BCAS3: variants seen among roughly 807,000 people sequenced by gnomAD.
The protein encoded by BCAS3 is BCAS4/BCAS3 fusion.
A neutral mutation model predicts 116.1 loss-of-function variants in BCAS3; 53 were observed. That is an observed-to-expected ratio of 0.46 (90% CI 0.37 to 0.57). BCAS3 has a LOEUF of 0.57. Ranked by LOEUF, BCAS3 falls within the 20% of genes least tolerant of loss-of-function variation. BCAS3 has a pLI of 0.00. For synonymous variants in BCAS3, 391 were observed against 408.2 expected (o/e 0.96, Z 0.51); for missense variants, 917 against 1,165.4 (o/e 0.79, Z 3.10).
rs140753089 is a variant in BCAS3 at position 61,131,234 on chromosome 17, G to C, written c.2425+46670G>C. Among the ~76,000 whole-genome samples, 1 of 152,154 alleles carries C rather than the reference G, an allele frequency of 6.6e-6. No homozygotes were observed. Among genetic ancestry groups the C allele is most frequent in the African/African-American group, 2.4e-5 (1 of 41,514 alleles). On this transcript the variant is annotated intron_variant, in intron 22 of 23. Transcript: ENST00000407086. This position sits in a 1 kb window ranked among gnomAD's most constrained non-coding sequence, Gnocchi z 4.4. ...ATTTTATGATTATAATTCCATTTAA[G>C]TAAAATAACAAAAATAACACTCGTA...
At chr17:60,743,799 G>GTA in intron 5 of BCAS3, among the ~76,000 whole-genome samples, 1 of 152,186 alleles carries the variant, frequency 6.6e-6, no homozygotes. Context: ...TTTTCTGTGT[G>GTA]TATATTATTG....
intron 22 of BCAS3, among the ~76,000 whole-genome samples, chr17:61,107,661 C>T (rs2074755612): frequency 6.6e-6 from 1 of 152,148 alleles, no homozygotes; most frequent in South Asian, 2.1e-4. Flanking sequence ...CCTTTGAGGT[C>T]CATCCAAGTT....
intron 21 of BCAS3, among the ~76,000 whole-genome samples, chr17:61,079,476 C>T (rs2072344481): frequency 6.6e-6 from 1 of 152,154 alleles, no homozygotes; most frequent in African/African-American, 2.4e-5. Flanking sequence ...CCAGGAGGTG[C>T]CAGGAGATAA....
At chr17:60,890,035 A>C (rs1487400362) in intron 10 of BCAS3, among the ~76,000 whole-genome samples, 1 of 152,228 alleles carries the variant, frequency 6.6e-6, no homozygotes, top group Admixed American at 6.5e-5. Context: ...TCATTCTATT[A>C]ATTTGCAGCA....
At chr17:60,795,642 G>T (rs185302628) in intron 6 of BCAS3, among the ~76,000 whole-genome samples, 1 of 152,254 alleles carries the variant, frequency 6.6e-6, no homozygotes, top group Admixed American at 6.5e-5. Context: ...GCTGGATTTT[G>T]TTGAATGCTT....
At chr17:60,779,073 A>G (rs182455600) in intron 6 of BCAS3, among the ~76,000 whole-genome samples, 25 of 152,262 alleles carry the variant, frequency 1.6e-4, no homozygotes, top group Non-Finnish European at 2.6e-4. Flanking sequence ...ACCACATTGT[A>G]TTACAGGTTG....
chr17:61,018,970 T>A (rs1370632781), intron 16 of BCAS3, among the ~76,000 whole-genome samples: 2 of 152,192 alleles, frequency 1.3e-5, no homozygotes, highest in African/African-American at 2.4e-5. Flanking sequence ...CTATTTTTTA[T>A]CCCTTCCTAT....
At position 61,007,913 on chromosome 17, in the gene BCAS3, C is replaced by T. The variant is rs1475931548; in HGVS notation, c.1487-7838C>T. ...GTTTTTACTTCACCATCGATTGCCTCCAAAAAAAAGTTATAGGCAAAATGA... is the reference window on the plus strand; with the variant it reads ...GTTTTTACTTCACCATCGATTGCCTTCAAAAAAAAGTTATAGGCAAAATGA... On this transcript the variant is annotated intron_variant, in intron 15 of 23. Coordinates refer to ENST00000407086, the MANE Select transcript of BCAS3 (RefSeq NM_017679.5). This position sits in a 1 kb window ranked among gnomAD's most constrained non-coding sequence, Gnocchi z 4.3. Among the ~76,000 whole-genome samples the T allele has an allele frequency of 6.6e-6, 1 of 151,920 alleles. No homozygotes were observed. The highest frequency in any genetic ancestry group is 1.9e-4 in the East Asian group (1 of 5,184).
intron 16 of BCAS3, among the ~76,000 whole-genome samples, chr17:61,022,320 G>A (rs1216231711): frequency 6.6e-6 from 1 of 152,038 alleles, no homozygotes; most frequent in Non-Finnish European, 1.5e-5. Flanking sequence ...CGTGATCTTG[G>A]CTCACTGCAA....
In BCAS3 at chr17:61,321,670, A is replaced by G. The variant is rs147558176; in HGVS notation, c.2426-46657A>G. 6.3e-3 allele frequency among the ~76,000 whole-genome samples: 963 copies of G among 152,278 alleles called. 15 individuals carry two copies. Among genetic ancestry groups the G allele is most frequent in the African/African-American group, 0.022 (904 of 41,558 alleles). Reference sequence around the variant, plus strand: ...GGGTTGGCATTTGGTCTTTATCATCAGGGATTCTTCACAATAGTGCAAGCC... The same window carrying G: ...GGGTTGGCATTTGGTCTTTATCATCGGGGATTCTTCACAATAGTGCAAGCC... On this transcript the variant is annotated intron_variant, in intron 22 of 23. Transcript: ENST00000407086.
intron 7 of BCAS3, among the ~76,000 whole-genome samples, chr17:60,845,288 G>C (rs1247623168): frequency 2.6e-5 from 4 of 152,194 alleles, no homozygotes; most frequent in Non-Finnish European, 5.9e-5. Context: ...ATCTCGTGAA[G>C]GTCTTTATTT....
rs149041713 is a variant in BCAS3, at chr17:60,972,068, T to C, written c.1222-17903T>C. Among the ~76,000 whole-genome samples, 54 of 152,310 alleles carry C rather than the reference T, an allele frequency of 3.5e-4. 1 individual carries two copies. The East Asian group carries it at 0.01, about 29-fold the overall frequency. On this transcript the variant is annotated intron_variant, in intron 14 of 23. Transcript: ENST00000407086. ...CCTACGTTGTTTCTGGCATATAATA[T>C]GGGAAGGAACTGGAAGTCTAGTAGG... is the stretch of plus-strand genomic sequence containing the variant.
rs546275354 is a variant in BCAS3, at chr17:60,963,113, G to A, written c.1221+15761G>A. Among the ~76,000 whole-genome samples the A allele has an allele frequency of 3.9e-5, 6 of 152,130 alleles. No homozygotes were observed. In the East Asian group the frequency reaches 5.8e-4, roughly 15 times the overall value. ...TGGTCTGTGTATCTATTTTTATGCC[G>A]GCACCATGCTGTTTTGGTTATTATA... On this transcript the variant is annotated intron_variant, in intron 14 of 23. Transcript: ENST00000407086.
chr17:60,725,912 T>G (rs1366210446), intron 5 of BCAS3, among the ~76,000 whole-genome samples: 2 of 152,178 alleles, frequency 1.3e-5, no homozygotes, highest in African/African-American at 4.8e-5. Flanking sequence ...TTGTTGTTTT[T>G]GAGACGGAGT....
At chr17:60,893,471 C>T (rs2057309140) in intron 10 of BCAS3, among the ~76,000 whole-genome samples, 1 of 152,074 alleles carries the variant, frequency 6.6e-6, no homozygotes, top group Non-Finnish European at 1.5e-5. Context: ...CCAATTTTCC[C>T]AGCTCCGTTT....
At chr17:60,770,402 T>C in intron 6 of BCAS3, among the ~76,000 whole-genome samples, 1 of 42,902 alleles carries the variant, frequency 2.3e-5, no homozygotes, top group South Asian at 6.9e-4. Flanking sequence ...TGTTCCCTCT[T>C]TTTTTTTTTT....
intron 14 of BCAS3, among the ~76,000 whole-genome samples, chr17:60,952,423 G>A (rs1349606948): frequency 2.0e-5 from 3 of 151,882 alleles, no homozygotes; most frequent in Admixed American, 6.6e-5. Flanking sequence ...GGGTTCGAGT[G>A]ATTCTCCTGT....
chr17:61,148,924 G>A (rs2077392209), intron 22 of BCAS3, among the ~76,000 whole-genome samples: 1 of 152,206 alleles, frequency 6.6e-6, no homozygotes, highest in South Asian at 2.1e-4. Flanking sequence ...CCAGAAAACA[G>A]TTATTTATGG....
intron 22 of BCAS3, among the ~76,000 whole-genome samples, chr17:61,242,571 T>C (rs1277852890): frequency 1.3e-5 from 2 of 152,172 alleles, no homozygotes; most frequent in Non-Finnish European, 1.5e-5. Flanking sequence ...AGGACATCAC[T>C]GAATGCAAAT....
Sources: allele counts gnomAD v4.1 joint callset (sites outside exome capture counted in the v4.1 genomes callset), GRCh38; gene constraint gnomAD v4.1.1; non-coding constraint Gnocchi (gnomAD v3.1); transcripts MANE v1.5; gene names NCBI Gene and HGNC (gene_info 2026-07-23, HGNC 2026-07-21).